The following PICK1 variants were observed in gnomAD, a reference collection of about 807,000 sequenced individuals.
PICK1 encodes PRKCA-binding protein.
PICK1 carries 23 observed loss-of-function variants against 48.9 expected under a neutral mutation model. The ratio of observed to expected loss-of-function variants is 0.47; its 90% CI spans 0.34 to 0.67. The LOEUF is 0.67. Ranked by LOEUF, PICK1 falls within the 30% of genes least tolerant of loss-of-function variation. The pLI is 0.01. For synonymous variants in PICK1, 217 were observed against 228.2 expected (o/e 0.95, Z 0.44); for missense variants, 423 against 557.1 (o/e 0.76, Z 2.42).
intron 4 of PICK1, 33 bp downstream of exon 4, chr22:38,065,163 C>T (rs767034288): frequency 6.2e-7 from 1 of 1,604,492 alleles, no homozygotes; most frequent in Non-Finnish European, 8.5e-7. Context: ...TGTCCAGAGG[C>T]AGCAACACAT....
upstream of PICK1, chr22:38,057,348 A>G (rs572223333): frequency 4.2e-5 from 9 of 216,016 alleles, no homozygotes; most frequent in South Asian, 6.5e-4. Flanking sequence ...CAGGGATTGG[A>G]GCAAATATCC....
At chr22:38,064,974 C>A in intron 3 of PICK1, 28 bp from the exon 4 acceptor site, 1 of 1,613,302 alleles carries the variant, frequency 6.2e-7, no homozygotes, top group South Asian at 1.1e-5. Flanking sequence ...CCCTTTCTTC[C>A]CCCACCACTC....
In PICK1 at chr22:38,073,019, C is replaced by T. The variant is rs756522592; in HGVS notation, c.710C>T (p.Thr237Met). The change falls in exon 10 of 13, where the codon ACG (threonine) becomes ATG (methionine). Residue 237 changes from threonine (T) to methionine (M), a missense_variant. By Grantham distance (81) the Thr-to-Met change is moderately conservative (BLOSUM62 -1). This residue lies in a region of PICK1 where 279 missense variants were observed against 417.8 expected (regional missense o/e 0.67). Transcript: ENST00000356976. The surrounding 1 kb of genome is among the most constrained non-coding windows in gnomAD (Gnocchi z 5.7). ...TIKPMLTDLN[T>M]YLNKAIPDTR... The stretch of plus-strand genomic sequence containing the variant: ...TTCCAGATGCTGACGGATCTGAACA[C>T]GTACCTCAACAAAGCCATCCCGGAC... 8 of 1,613,302 alleles carry T rather than the reference C, an allele frequency of 5.0e-6. No homozygotes were observed. Among genetic ancestry groups the T allele is most frequent in the South Asian group, 2.2e-5 (2 of 91,078 alleles).
chr22:38,072,053 C>T, intron 8 of PICK1: 1 of 504,838 alleles, frequency 2.0e-6, no homozygotes, highest in Non-Finnish European at 3.6e-6. Flanking sequence ...CTGACCCCAG[C>T]TACTGCAGAA....
intron 6 of PICK1, 90 bp downstream of exon 6, chr22:38,069,212 G>C: frequency 1.1e-6 from 1 of 949,790 alleles, no homozygotes; most frequent in Non-Finnish European, 1.7e-6. Context: ...CCAAGCTGCT[G>C]TGGGTCCCGC....
Position 38,074,776 on chromosome 22 carries a change from G to A in PICK1, c.980-88G>A, listed in dbSNP as rs2085794982. 1 of 1,532,854 alleles carries A rather than the reference G, an allele frequency of 6.5e-7. No homozygotes were observed. Among genetic ancestry groups the A allele is most frequent in the African/African-American group, 1.4e-5 (1 of 73,630 alleles). 95.0% of individuals were successfully genotyped at this position (1,532,854 alleles called of 1,614,324 possible). ...CGAGTGGGAAGCCCAGGGGAGGCGA[G>A]AGGTGGGCCGGGTGGGCTGGGAGAG... On this transcript the variant is annotated intron_variant, in intron 12 of 12. Transcript: ENST00000356976. The surrounding 1 kb of genome is among the most constrained non-coding windows in gnomAD (Gnocchi z 4.5).
rs193168696 is a variant in PICK1 at position 38,070,105 on chromosome 22, G to A, written c.440-733G>A. On this transcript the variant is annotated intron_variant, in intron 6 of 12. Coordinates refer to ENST00000356976, the MANE Select transcript of PICK1 (RefSeq NM_012407.4). ...TCCCTTCCTTCCCCGACAGCCTGTC[G>A]CACTGCCACCTCCCTGCCCAGAGAG... Among the ~76,000 whole-genome samples the A allele has an allele frequency of 2.2e-3, 336 of 152,240 alleles. 1 individual carries two copies. Among genetic ancestry groups the A allele is most frequent in the Middle Eastern group, 0.017 (5 of 294 alleles).
Position 38,065,139 on chromosome 22 carries a change from T to C in PICK1, c.282+9T>C, listed in dbSNP as rs767477262. ...TGATTCAGGAGGTGAAGGTAAGGGCTGCTGCAGAGCAGGTGTCCAGAGGCA... is the reference window on the plus strand; with the variant it reads ...TGATTCAGGAGGTGAAGGTAAGGGCCGCTGCAGAGCAGGTGTCCAGAGGCA... On this transcript the variant is annotated intron_variant, in intron 4 of 12. Coordinates refer to ENST00000356976, the MANE Select transcript of PICK1 (RefSeq NM_012407.4). 3.7e-6 allele frequency: 6 copies of C among 1,612,986 alleles called. No individual in the cohort carries two copies. The African/African-American group carries it at 6.7e-5, about 18-fold the overall frequency.
rs974961347 is a variant in PICK1 at position 38,072,581 on chromosome 22, G to A, written c.661G>A (p.Gly221Ser). The part of the protein sequence containing the change: ...ADAHRSIEKF[G>S]IRLLKTIKPM... Reference sequence around the variant, plus strand: ...TGCCCACCGCAGCATCGAGAAGTTCGGCATTCGGCTTCTGAAAACCATCAA... The same window carrying A: ...TGCCCACCGCAGCATCGAGAAGTTCAGCATTCGGCTTCTGAAAACCATCAA... Residue 221 changes from glycine to serine, a missense_variant, in exon 9 of 13, where the codon GGC becomes AGC. By Grantham distance (56) the Gly-to-Ser change is moderately conservative (BLOSUM62 0). This residue lies in a region of PICK1 where 279 missense variants were observed against 417.8 expected (regional missense o/e 0.67). Transcript: ENST00000356976. 1.2e-5 allele frequency: 20 copies of A among 1,613,246 alleles called. No individual in the cohort carries two copies. Among genetic ancestry groups the A allele is most frequent in the South Asian group, 2.2e-5 (2 of 91,092 alleles).
In PICK1 at chr22:38,073,752, A is replaced by T; in HGVS notation, c.784-21A>T. On this transcript the variant is annotated intron_variant, in intron 10 of 12. Coordinates refer to ENST00000356976, the MANE Select transcript of PICK1 (RefSeq NM_012407.4). This position sits in a 1 kb window ranked among gnomAD's most constrained non-coding sequence, Gnocchi z 5.7. ...GGGTGGGGGTAGTAGCCACTCTGAC[A>T]GCCTCACCTGTCCCACACAGTCGTA... The T allele has an allele frequency of 8.1e-6, 13 of 1,612,510 alleles. No individual in the cohort carries two copies. Among genetic ancestry groups the T allele is most frequent in the Non-Finnish European group, 9.3e-6 (11 of 1,179,228 alleles).
chr22:38,060,949 A>C (rs1466079054), intron 3 of PICK1, among the ~76,000 whole-genome samples: 9 of 151,868 alleles, frequency 5.9e-5, no homozygotes, highest in Admixed American at 3.9e-4. Flanking sequence ...GGTTTTAGCT[A>C]TGTTGGCCGG....
Position 38,065,124 on chromosome 22 carries a change from G to A in PICK1, c.276G>A (p.Glu92=), listed in dbSNP as rs1199360284. The A allele has an allele frequency of 6.2e-7, 1 of 1,613,840 alleles. No homozygotes were observed. Among genetic ancestry groups the A allele is most frequent in the Middle Eastern group, 1.7e-4 (1 of 6,058 alleles). The stretch of plus-strand genomic sequence containing the variant: ...TGGAGGTGGCGAAGATGATTCAGGA[G>A]GTGAAGGTAAGGGCTGCTGCAGAGC... ...TKVEVAKMIQ[E]VKGEVTIHYN... The change falls in exon 4 of 13, where the codon GAG becomes GAA. Residue 92 remains glutamate, a synonymous_variant. Coordinates refer to ENST00000356976, the MANE Select transcript of PICK1 (RefSeq NM_012407.4).
chr22:38,070,875 C>T lies in PICK1; in HGVS notation c.477C>T (p.Thr159=), dbSNP rs117729390. 4.5e-4 allele frequency: 721 copies of T among 1,613,928 alleles called. No homozygotes were observed. The highest frequency in any genetic ancestry group is 5.4e-4 in the Non-Finnish European group (642 of 1,179,952). ...LVKRLEELER[T]AELYKGMTEH... ...AGAGGCTAGAGGAGCTGGAGCGGAC[C>T]GCTGAGCTATACAAAGGTGGGTGGG... Residue 159 remains threonine (T), a synonymous_variant, in exon 7 of 13, where the codon ACC becomes ACT. Transcript: ENST00000356976.
intron 3 of PICK1, among the ~76,000 whole-genome samples, chr22:38,060,751 ATTT>A: frequency 7.0e-6 from 1 of 142,210 alleles, no homozygotes; most frequent in African/African-American, 2.6e-5. Context: ...AGTATAATTG[ATTT>A]TTTTTTTTTT....
In PICK1 at chr22:38,073,645, G is replaced by A. The variant is rs1353282930; in HGVS notation, c.784-128G>A. On this transcript the variant is annotated intron_variant, in intron 10 of 12. Transcript: ENST00000356976. The surrounding 1 kb of genome is among the most constrained non-coding windows in gnomAD (Gnocchi z 5.7). ...GCCCTGTCATCCCTCAGCACCTGCCGCTGCCCGCTCTGGGACTCCCTGAAC... is the reference window on the plus strand; with the variant it reads ...GCCCTGTCATCCCTCAGCACCTGCCACTGCCCGCTCTGGGACTCCCTGAAC... 6.9e-6 allele frequency: 6 copies of A among 869,116 alleles called. No homozygotes were observed. Among genetic ancestry groups the A allele is most frequent in the East Asian group, 2.4e-5 (1 of 41,260 alleles). The allele number at this position is 869,116 out of a possible 1,614,324, so 53.8% of individuals were successfully genotyped here. A position where few individuals can be genotyped will look rare whatever the true frequency, so the allele number is the denominator to read the frequency against.
Position 38,062,078 on chromosome 22 carries a change from G to A in PICK1, c.153+2733G>A, listed in dbSNP as rs920148147. 7.9e-5 allele frequency among the ~76,000 whole-genome samples: 12 copies of A among 152,074 alleles called. 1 individual carries two copies. Among genetic ancestry groups the A allele is most frequent in the South Asian group, 6.2e-4 (3 of 4,830 alleles). On this transcript the variant is annotated intron_variant, in intron 3 of 12. Coordinates refer to ENST00000356976, the MANE Select transcript of PICK1 (RefSeq NM_012407.4). ...AAGAAAGCAAAGATCCTACTCTTGC[G>A]GAGCCCTCATTCTAGTCAAAACAAC...
intron 3 of PICK1, among the ~76,000 whole-genome samples, chr22:38,060,477 G>T (rs558093886): frequency 2.4e-4 from 36 of 152,308 alleles, no homozygotes; most frequent in African/African-American, 8.2e-4. Context: ...CTCACTGGTG[G>T]CAGATGGGAA....
chr22:38,072,680 A>G, intron 9 of PICK1, 70 bp downstream of exon 9: 8 of 1,588,708 alleles, frequency 5.0e-6, no homozygotes, highest in Non-Finnish European at 2.6e-6. Context: ...CATGCAGAGA[A>G]GGTCGTATGC....
chr22:38,073,113 G>C lies in PICK1; in HGVS notation c.783+21G>C. ...ACCTGGTGAGTAGTCCAGGTGCCCA[G>C]GCTGCTAGGGCAAGCGCCCACCCTG... is the stretch of plus-strand genomic sequence containing the variant. On this transcript the variant is annotated intron_variant, in intron 10 of 12. Coordinates refer to ENST00000356976, the MANE Select transcript of PICK1 (RefSeq NM_012407.4). This position sits in a 1 kb window ranked among gnomAD's most constrained non-coding sequence, Gnocchi z 5.7. 1 of 1,500,608 alleles carries C rather than the reference G, an allele frequency of 6.7e-7. No homozygotes were observed. Among genetic ancestry groups the C allele is most frequent in the Non-Finnish European group, 9.3e-7 (1 of 1,076,980 alleles). 93.0% of individuals were successfully genotyped at this position (1,500,608 alleles called of 1,614,324 possible).
Sources: gnomAD v4.1 joint callset for allele counts (sites outside exome capture counted in the v4.1 genomes callset) on GRCh38, gnomAD v4.1.1 for gene constraint, gnomAD v4.1.1 regional missense constraint, Gnocchi (gnomAD v3.1) non-coding constraint, MANE v1.5 for transcripts, NCBI Gene and HGNC (gene_info 2026-07-23, HGNC 2026-07-21) for gene names.